The following AFF2 variants were observed in gnomAD, a reference collection of about 807,000 sequenced individuals.
AFF2 encodes the protein AF4/FMR2 family member 2.
Under a neutral mutation model 76.9 loss-of-function variants are expected in AFF2, and 14 were observed. That is an observed-to-expected ratio of 0.18 (90% CI 0.12 to 0.28). The LOEUF is 0.28. Ranked by LOEUF, AFF2 falls within the 10% of genes least tolerant of loss-of-function variation. AFF2 has a pLI of 1.00. For missense variants in AFF2, 868 were observed against 1,001.1 expected (o/e 0.87, Z 1.79); for synonymous variants, 398 against 366.7 (o/e 1.09, Z -0.98).
chrX:148,746,592 A>G (rs1557266094), intron 3 of AFF2, among the ~76,000 whole-genome samples: 1 of 112,738 alleles, frequency 8.9e-6, no homozygotes, highest in African/African-American at 3.2e-5. Flanking sequence ...AGGAATTACC[A>G]CAACCATACA....
intron 3 of AFF2, among the ~76,000 whole-genome samples, chrX:148,730,130 A>G (rs1433072360): frequency 8.0e-5 from 9 of 112,412 alleles, no homozygotes; most frequent in African/African-American, 2.6e-4. Context: ...ACTCCATTTG[A>G]TTAAGCAATA....
intron 9 of AFF2, 81 bp downstream of exon 9, chrX:148,904,339 C>T: frequency 1.6e-6 from 1 of 615,895 alleles, no homozygotes; most frequent in South Asian, 2.7e-5. Context: ...ATAAAAGAGA[C>T]CTTGGATTTT....
intron 3 of AFF2, among the ~76,000 whole-genome samples, chrX:148,706,864 CT>C (rs1317429823): frequency 1.8e-5 from 2 of 112,416 alleles, no homozygotes; most frequent in Non-Finnish European, 3.8e-5. Flanking sequence ...AGAAGATTCT[CT>C]TTTTAGGATA....
chrX:148,810,233 T>A (rs1311889551), intron 4 of AFF2, among the ~76,000 whole-genome samples: 1 of 112,239 alleles, frequency 8.9e-6, no homozygotes, highest in African/African-American at 3.2e-5. Context: ...CTTTGCCTTT[T>A]ACCTTTCTGG....
intron 3 of AFF2, among the ~76,000 whole-genome samples, chrX:148,734,123 G>T (rs1402998586): frequency 1.8e-5 from 2 of 111,901 alleles, no homozygotes; most frequent in Non-Finnish European, 3.8e-5. Flanking sequence ...TGCTTGCTCT[G>T]CACTTTATTT....
chrX:148,680,549 A>T (rs57624071), intron 3 of AFF2, among the ~76,000 whole-genome samples: 5,154 of 111,426 alleles, frequency 0.046, 310 homozygotes, highest in African/African-American at 0.16. Flanking sequence ...TTAAAAAAAA[A>T]ATCAACTTCG....
At chrX:148,934,248 C>T in intron 9 of AFF2, among the ~76,000 whole-genome samples, 1 of 112,416 alleles carries the variant, frequency 8.9e-6, no homozygotes, top group South Asian at 3.7e-4. Context: ...CTTCTGTCCA[C>T]CATCAAAGTA....
intron 1 of AFF2, among the ~76,000 whole-genome samples, chrX:148,638,454 G>A (rs896004893): frequency 1.3e-4 from 14 of 111,333 alleles, no homozygotes; most frequent in South Asian, 7.7e-4. Flanking sequence ...GAAGCCACCC[G>A]CATGATCCAA....
At chrX:148,811,946 T>C (rs2070207620) in intron 4 of AFF2, among the ~76,000 whole-genome samples, 1 of 111,286 alleles carries the variant, frequency 9.0e-6, no homozygotes, top group Non-Finnish European at 1.9e-5. Context: ...TAGAGAAATG[T>C]CTCTTTTTTT....
chrX:148,600,953 G>A (rs2053620481), intron 1 of AFF2, among the ~76,000 whole-genome samples: 1 of 112,879 alleles, frequency 8.9e-6, no homozygotes, highest in African/African-American at 3.2e-5. Flanking sequence ...GAGAAAGGAG[G>A]CCAGTCTTGG....
chrX:148,845,217 A>G (rs781946133), intron 7 of AFF2, among the ~76,000 whole-genome samples: 3 of 111,692 alleles, frequency 2.7e-5, no homozygotes, highest in African/African-American at 9.8e-5. Flanking sequence ...AGATTTTCCT[A>G]TGTAAAATTA....
At chrX:148,636,718 G>A (rs923641454) in intron 1 of AFF2, among the ~76,000 whole-genome samples, 3 of 111,506 alleles carry the variant, frequency 2.7e-5, no homozygotes, top group Non-Finnish European at 5.7e-5. Flanking sequence ...AGTTCTAAAA[G>A]TTGTGTGTGA....
chrX:148,507,789 T>C (rs2052436684), intron 1 of AFF2, among the ~76,000 whole-genome samples: 1 of 112,230 alleles, frequency 8.9e-6, no homozygotes, highest in Admixed American at 9.4e-5. Flanking sequence ...TTAGATGACC[T>C]TAGCGTCTAA....
chrX:148,713,965 A>C (rs1240780659), intron 3 of AFF2, among the ~76,000 whole-genome samples: 1 of 111,947 alleles, frequency 8.9e-6, no homozygotes, highest in African/African-American at 3.3e-5. Flanking sequence ...CAATGACCAG[A>C]TGCATAGAAG....
chrX:148,986,451 C>T (rs2072473143), intron 19 of AFF2, among the ~76,000 whole-genome samples: 1 of 112,240 alleles, frequency 8.9e-6, no homozygotes, highest in East Asian at 2.8e-4. Context: ...CAGGTGACTC[C>T]TTGTTGCGAA....
At chrX:148,761,970 TATAGATATAGATATAGATATAG>T (rs1162237788) in intron 3 of AFF2, among the ~76,000 whole-genome samples, 1 of 94,056 alleles carries the variant, frequency 1.1e-5, no homozygotes, top group African/African-American at 5.2e-5. Flanking sequence ...TAGATATAGA[TATAGATATAGATATAGATATAG>T]ATATAGATAT....
At chrX:148,626,929 A>G (rs1457672149) in intron 1 of AFF2, among the ~76,000 whole-genome samples, 1 of 111,729 alleles carries the variant, frequency 9.0e-6, no homozygotes, top group Admixed American at 9.5e-5. Flanking sequence ...ATACTATAAG[A>G]CTGGGCATAG....
chrX:148,939,872 G>A (rs190918398), intron 9 of AFF2, among the ~76,000 whole-genome samples: 5 of 111,809 alleles, frequency 4.5e-5, no homozygotes, highest in African/African-American at 6.5e-5. Flanking sequence ...TTCATGAGGC[G>A]CAGGTATATA....
chrX:148,531,908 TAA>T (rs5904240), intron 1 of AFF2, among the ~76,000 whole-genome samples: 4 of 107,546 alleles, frequency 3.7e-5, no homozygotes, highest in East Asian at 2.9e-4. Flanking sequence ...ATCTTTTTTT[TAA>T]AAAAAAAGCA....
Sources: allele counts gnomAD v4.1 joint callset (sites outside exome capture counted in the v4.1 genomes callset), GRCh38; gene constraint gnomAD v4.1.1; transcripts MANE v1.5; gene names NCBI Gene and HGNC (gene_info 2026-07-23, HGNC 2026-07-21).